The following GALNT13 variants were observed in gnomAD, a reference collection of about 807,000 sequenced individuals.
The protein encoded by GALNT13 is UDP-GalNAc:polypeptide N-acetylgalactosaminyltransferase 13.
Under a neutral mutation model 64.2 loss-of-function variants are expected in GALNT13, and 28 were observed. The observed-to-expected ratio is 0.44, with a 90% confidence interval of 0.32 to 0.60. The LOEUF (loss-of-function observed/expected upper bound fraction) is 0.60. Among genes scored for constraint, GALNT13 ranks in the 20% least tolerant of loss-of-function variants. The pLI is 0.05. For synonymous variants in GALNT13, 214 were observed against 224.6 expected (o/e 0.95, Z 0.42); for missense variants, 577 against 669.8 (o/e 0.86, Z 1.53).
the GALNT13 span, among the ~76,000 whole-genome samples, chr2:153,398,810 A>C: frequency 1.4e-5 from 2 of 139,138 alleles, no homozygotes; most frequent in Non-Finnish European, 3.1e-5. Flanking sequence ...TTCATTGTAG[A>C]TTCTGGATAT....
chr2:153,102,026 C>T, the GALNT13 span, among the ~76,000 whole-genome samples: 1 of 152,048 alleles, frequency 6.6e-6, no homozygotes, highest in Admixed American at 6.6e-5. Flanking sequence ...TATTTTTATG[C>T]ATTTTGTGTT....
At chr2:153,117,061 A>G in the GALNT13 span, among the ~76,000 whole-genome samples, 1 of 151,924 alleles carries the variant, frequency 6.6e-6, no homozygotes, top group Admixed American at 6.6e-5. Flanking sequence ...GGCCTCCCAA[A>G]GTGCTGGGAT....
At chr2:153,870,462 G>A (rs997224663), upstream of GALNT13, among the ~76,000 whole-genome samples, 9 of 151,902 alleles carry the variant, frequency 5.9e-5, no homozygotes, top group South Asian at 2.1e-4. Flanking sequence ...ATGTAGAGGT[G>A]AGTGACCTGA....
At chr2:153,498,019 C>G in the GALNT13 span, among the ~76,000 whole-genome samples, 2 of 152,200 alleles carry the variant, frequency 1.3e-5, no homozygotes, top group African/African-American at 4.8e-5. Flanking sequence ...TGGCCAGATA[C>G]AAGCAAACCT....
the GALNT13 span, among the ~76,000 whole-genome samples, chr2:153,070,735 G>C: frequency 6.6e-6 from 1 of 152,130 alleles, no homozygotes; most frequent in East Asian, 1.9e-4. Flanking sequence ...TCTGCAACAG[G>C]CTTTGTATTC....
chr2:153,475,048 C>T, the GALNT13 span, among the ~76,000 whole-genome samples: 1 of 152,162 alleles, frequency 6.6e-6, no homozygotes, highest in African/African-American at 2.4e-5. Context: ...TCATTTAAAG[C>T]AGTTGTTAGA....
the GALNT13 span, among the ~76,000 whole-genome samples, chr2:153,536,127 T>C: frequency 6.6e-6 from 1 of 152,154 alleles, no homozygotes; most frequent in Non-Finnish European, 1.5e-5. Flanking sequence ...TAGTTCCTTT[T>C]CTCCTCCTCC....
chr2:154,232,290 G>T (rs998363682), intron 4 of GALNT13, among the ~76,000 whole-genome samples: 2 of 152,080 alleles, frequency 1.3e-5, no homozygotes, highest in African/African-American at 4.8e-5. Context: ...AAAGTTAATA[G>T]TATTGATCCT....
chr2:153,243,272 G>GGGATCCA, the GALNT13 span, among the ~76,000 whole-genome samples: 1 of 152,214 alleles, frequency 6.6e-6, no homozygotes, highest in Non-Finnish European at 1.5e-5. Flanking sequence ...CTCCTTCTGG[G>GGGATCCA]GGATCCAGGA....
At chr2:153,086,592 A>C in the GALNT13 span, among the ~76,000 whole-genome samples, 1 of 152,132 alleles carries the variant, frequency 6.6e-6, no homozygotes, top group Non-Finnish European at 1.5e-5. Flanking sequence ...AGGCCTCCCC[A>C]GCCTGCTGAA....
intron 4 of GALNT13, among the ~76,000 whole-genome samples, chr2:154,190,674 G>A (rs1686526026): frequency 6.6e-6 from 1 of 152,288 alleles, no homozygotes; most frequent in African/African-American, 2.4e-5. Flanking sequence ...CATAAGTGCA[G>A]TTGTTTAGCA....
chr2:153,215,237 AC>A, the GALNT13 span, among the ~76,000 whole-genome samples: 2 of 151,942 alleles, frequency 1.3e-5, no homozygotes, highest in South Asian at 4.1e-4. Flanking sequence ...ATTGTTCTCA[AC>A]CCCTAAAGAA....
chr2:153,319,526 G>T, the GALNT13 span, among the ~76,000 whole-genome samples: 4 of 152,200 alleles, frequency 2.6e-5, no homozygotes, highest in African/African-American at 9.6e-5. Context: ...GAATCCTCCT[G>T]CCTTAGCTTC....
intron 3 of GALNT13, among the ~76,000 whole-genome samples, chr2:154,047,687 G>C (rs1574406935): frequency 6.6e-6 from 1 of 152,086 alleles, no homozygotes; most frequent in South Asian, 2.1e-4. Flanking sequence ...TCTATTGCTT[G>C]CTTGTCTGAA....
the GALNT13 span, among the ~76,000 whole-genome samples, chr2:153,167,443 C>T: frequency 2.0e-5 from 3 of 152,290 alleles, no homozygotes; most frequent in South Asian, 2.1e-4. Flanking sequence ...TTTTGTAAGC[C>T]GTTGAGATTT....
the GALNT13 span, among the ~76,000 whole-genome samples, chr2:153,808,138 T>A: frequency 6.6e-6 from 1 of 152,172 alleles, no homozygotes; most frequent in African/African-American, 2.4e-5. Context: ...GTTACAGAAA[T>A]GTGACTATGT....
At chr2:153,208,893 G>T in the GALNT13 span, among the ~76,000 whole-genome samples, 1 of 149,060 alleles carries the variant, frequency 6.7e-6, no homozygotes, top group East Asian at 2.0e-4. Context: ...AGTTTTAAGA[G>T]ATTTGTTTCT....
chr2:154,181,608 T>A (rs1438346813), intron 4 of GALNT13, among the ~76,000 whole-genome samples: 2 of 152,046 alleles, frequency 1.3e-5, no homozygotes, highest in African/African-American at 4.8e-5. Flanking sequence ...GTCTTTAAAG[T>A]TTTAACTATA....
chr2:153,830,877 T>A, the GALNT13 span, among the ~76,000 whole-genome samples: 1 of 152,178 alleles, frequency 6.6e-6, no homozygotes, highest in South Asian at 2.1e-4. Context: ...TCTTTCCTCA[T>A]GCTGAATCCA....
Sources: allele counts gnomAD v4.1 joint callset (sites outside exome capture counted in the v4.1 genomes callset), GRCh38; gene constraint gnomAD v4.1.1; transcripts MANE v1.5; gene names NCBI Gene and HGNC (gene_info 2026-07-23, HGNC 2026-07-21).